RGS20: variants seen among roughly 807,000 people sequenced by gnomAD.
RGS20 encodes the protein regulator of G protein signaling 20.
RGS20 carries 30 observed loss-of-function variants against 33.6 expected under a neutral mutation model. That is an observed-to-expected ratio of 0.89 (90% CI 0.67 to 1.21). RGS20 has a LOEUF of 1.21. RGS20 is among the 50% of genes most tolerant of loss of function. RGS20 has a pLI of 0.00. For synonymous variants in RGS20, 208 were observed against 197.9 expected, an observed-to-expected ratio of 1.05 and a Z score of -0.43; for missense variants, 472 against 502.4, an observed-to-expected ratio of 0.94 and a Z score of 0.58.
chr8:53,907,587 GA>G (rs35788143), intron 2 of RGS20, among the ~76,000 whole-genome samples: 44 of 144,306 alleles, frequency 3.0e-4, no homozygotes, highest in South Asian at 4.4e-4. Context: ...TCCATCTCAG[GA>G]AAAAAAAAAA....
chr8:53,873,982 T>C lies in RGS20; in HGVS notation c.166-5276T>C, dbSNP rs764555696. The stretch of plus-strand genomic sequence containing the variant: ...AGGAGGCCGAGGAGAGTGGATCACT[T>C]GAGAACAGGAGTTCAAGACCAGCCT... On this transcript the variant is annotated intron_variant, in intron 1 of 5. Transcript: ENST00000297313. Among the ~76,000 whole-genome samples, 12 of 152,250 alleles carry C rather than the reference T, an allele frequency of 7.9e-5. No individual in the cohort carries two copies. In the East Asian group the frequency reaches 2.3e-3, roughly 29 times the overall value.
In RGS20 at chr8:53,860,520, G is replaced by A. The variant is rs546461155; in HGVS notation, c.165+8456G>A. ...GACAAAAGGAAATAGCAAGGAGGCA[G>A]GAGGCTAGCAGCCCAGGAACCTCAG... On this transcript the variant is annotated intron_variant, in intron 1 of 5. Coordinates refer to ENST00000297313, the MANE Select transcript of RGS20 (RefSeq NM_170587.4). 2.2e-3 allele frequency among the ~76,000 whole-genome samples: 332 copies of A among 152,338 alleles called. 1 individual carries two copies. Among genetic ancestry groups the A allele is most frequent in the African/African-American group, 7.7e-3 (318 of 41,568 alleles).
At chr8:53,940,200 G>A (rs1563420636) in intron 3 of RGS20, among the ~76,000 whole-genome samples, 2 of 151,836 alleles carry the variant, frequency 1.3e-5, no homozygotes, top group Admixed American at 6.6e-5. Context: ...TAAAGAGAGA[G>A]AAATATTAAA....
intron 4 of RGS20, among the ~76,000 whole-genome samples, chr8:53,948,362 AAG>A (rs1371469104): frequency 7.1e-6 from 1 of 141,444 alleles, no homozygotes; most frequent in African/African-American, 2.6e-5. Flanking sequence ...TGCTATATAT[AAG>A]ACACAGTATA....
chr8:53,919,321 T>A (rs1273553589), intron 2 of RGS20, among the ~76,000 whole-genome samples: 1 of 151,902 alleles, frequency 6.6e-6, no homozygotes, highest in Non-Finnish European at 1.5e-5. Flanking sequence ...ATATATTTTT[T>A]CCCACTCTGT....
intron 4 of RGS20, 116 bp from the exon 4 acceptor site, chr8:53,953,960 C>T: frequency 3.8e-6 from 3 of 785,838 alleles, no homozygotes; most frequent in Non-Finnish European, 4.5e-6. Flanking sequence ...CTAAAAGGGC[C>T]TAAATGCATA....
chr8:53,903,721 A>G (rs1206374618), intron 2 of RGS20, among the ~76,000 whole-genome samples: 1 of 152,162 alleles, frequency 6.6e-6, no homozygotes, highest in Non-Finnish European at 1.5e-5. Context: ...CACTCACCCT[A>G]AAGCCAGGTC....
chr8:53,949,942 C>T (rs1201828665), intron 4 of RGS20, among the ~76,000 whole-genome samples: 7 of 151,042 alleles, frequency 4.6e-5, no homozygotes, highest in African/African-American at 1.5e-4. Context: ...TGGGTTCAAG[C>T]GATTCTCATG....
At chr8:53,884,878 G>A (rs1279588545) in intron 2 of RGS20, among the ~76,000 whole-genome samples, 5 of 152,204 alleles carry the variant, frequency 3.3e-5, no homozygotes, top group African/African-American at 7.2e-5. Context: ...CTCAGGTAAG[G>A]TAAGGTCACA....
At chr8:53,952,455 G>A (rs1814739157) in intron 4 of RGS20, among the ~76,000 whole-genome samples, 1 of 151,538 alleles carries the variant, frequency 6.6e-6, no homozygotes, top group African/African-American at 2.4e-5. Context: ...GCTGGGCACA[G>A]TGGCTCACAC....
chr8:53,893,013 G>A (rs73680352), intron 2 of RGS20, among the ~76,000 whole-genome samples: 2,415 of 152,208 alleles, frequency 0.016, 42 homozygotes, highest in African/African-American at 0.047. Context: ...ATAAAATTTA[G>A]TTGCAGAAAG....
At chr8:53,911,802 A>G (rs1029761631) in intron 2 of RGS20, among the ~76,000 whole-genome samples, 1 of 152,054 alleles carries the variant, frequency 6.6e-6, no homozygotes, top group Non-Finnish European at 1.5e-5. Flanking sequence ...TTAGCTGGTC[A>G]TGGTGGTGTG....
rs1033738367 is a variant in RGS20 at position 53,958,707 on chromosome 8, A to G, written c.*249A>G. The G allele has an allele frequency of 4.9e-5, 10 of 203,968 alleles. No homozygotes were observed. Among genetic ancestry groups the G allele is most frequent in the African/African-American group, 1.4e-4 (6 of 43,402 alleles). 12.6% of individuals were successfully genotyped at this position (203,968 alleles called of 1,614,324 possible). Reference sequence around the variant, plus strand: ...GAAAGATAGCGTATTTGCATTTACAATAACAGTAGCATGTTGTCAGTGGCC... The same window carrying G: ...GAAAGATAGCGTATTTGCATTTACAGTAACAGTAGCATGTTGTCAGTGGCC... On this transcript the variant is annotated 3_prime_UTR_variant, in exon 6 of 6. Transcript: ENST00000297313.
intron 2 of RGS20, among the ~76,000 whole-genome samples, chr8:53,894,608 C>T (rs1812802162): frequency 6.6e-6 from 1 of 152,188 alleles, no homozygotes. Flanking sequence ...GAATGTGGCC[C>T]ATGTGCAGCT....
chr8:53,888,302 AG>A (rs1442138914), intron 2 of RGS20, among the ~76,000 whole-genome samples: 1 of 152,234 alleles, frequency 6.6e-6, no homozygotes, highest in Non-Finnish European at 1.5e-5. Flanking sequence ...GTTAGGTTTC[AG>A]TGAGGAGCTA....
chr8:53,928,074 T>A (rs1225435999), intron 2 of RGS20, among the ~76,000 whole-genome samples: 6 of 152,118 alleles, frequency 3.9e-5, no homozygotes, highest in African/African-American at 1.2e-4. Flanking sequence ...CTAAATAGAT[T>A]TTTTTTAATC....
chr8:53,914,225 C>A (rs922470701), intron 2 of RGS20, among the ~76,000 whole-genome samples: 1 of 152,024 alleles, frequency 6.6e-6, no homozygotes, highest in Non-Finnish European at 1.5e-5. Flanking sequence ...AGATAGAGGT[C>A]ATGCAATGTT....
chr8:53,923,821 T>C (rs570528254), intron 2 of RGS20, among the ~76,000 whole-genome samples: 7 of 152,204 alleles, frequency 4.6e-5, no homozygotes, highest in Non-Finnish European at 7.3e-5. Flanking sequence ...CTTGATTCTT[T>C]TTCGTGACTA....
Position 53,958,513 on chromosome 8 carries a change from A to C in RGS20, c.*55A>C. The stretch of plus-strand genomic sequence containing the variant: ...AATAATAAAAGAATTCATGGGCTAC[A>C]ACTAGCACAGGGAATTTAGAGGTTG... On this transcript the variant is annotated 3_prime_UTR_variant, in exon 6 of 6. Coordinates refer to ENST00000297313, the MANE Select transcript of RGS20 (RefSeq NM_170587.4). The C allele has an allele frequency of 1.0e-6, 1 of 991,928 alleles. No individual in the cohort carries two copies. The highest frequency in any genetic ancestry group is 1.3e-6 in the Non-Finnish European group (1 of 740,954). 61.4% of individuals were successfully genotyped at this position (991,928 alleles called of 1,614,324 possible).
Sources: gnomAD v4.1 joint callset for allele counts (sites outside exome capture counted in the v4.1 genomes callset) on GRCh38, gnomAD v4.1.1 for gene constraint, MANE v1.5 for transcripts, NCBI Gene and HGNC (gene_info 2026-07-23, HGNC 2026-07-21) for gene names.